The following PACRG variants were observed in gnomAD, a reference collection of about 807,000 sequenced individuals.
PACRG encodes parkin coregulated gene protein.
Under a neutral mutation model 29.7 loss-of-function variants are expected in PACRG, and 29 were observed. The ratio of observed to expected loss-of-function variants is 0.98; its 90% CI spans 0.73 to 1.33. The LOEUF is 1.33. Among genes scored for constraint, PACRG ranks in the 40% most tolerant of loss-of-function variants. The pLI, the probability that PACRG is intolerant of heterozygous loss-of-function variation, is 0.00. For missense variants in PACRG, 279 were observed against 316.2 expected (o/e 0.88, Z 0.89); for synonymous variants, 116 against 118.7 (o/e 0.98, Z 0.15).
At chr6:163,052,679 T>C (rs892786462) in intron 2 of PACRG, among the ~76,000 whole-genome samples, 8 of 152,194 alleles carry the variant, frequency 5.3e-5, no homozygotes, top group Admixed American at 3.9e-4. Context: ...TAAACCTCTT[T>C]CATTTATAAA....
At chr6:162,995,385 T>C (rs188690882) in intron 2 of PACRG, among the ~76,000 whole-genome samples, 2,837 of 151,974 alleles carry the variant, frequency 0.019, 41 homozygotes, top group Non-Finnish European at 0.026. Flanking sequence ...GTGCTAGCAA[T>C]CAGCGAGATT....
intron 2 of PACRG, among the ~76,000 whole-genome samples, chr6:162,970,596 G>T (rs1159076534): frequency 2.0e-5 from 3 of 152,144 alleles, no homozygotes; most frequent in African/African-American, 7.2e-5. Flanking sequence ...ATAGATATCA[G>T]ATTAAGAAAA....
intron 1 of PACRG, among the ~76,000 whole-genome samples, chr6:162,796,384 G>C (rs1293950962): frequency 6.6e-6 from 1 of 151,826 alleles, no homozygotes; most frequent in African/African-American, 2.4e-5. Context: ...AAATTATTTT[G>C]TAATGTTTTC....
chr6:162,920,403 A>G (rs1796985702), intron 2 of PACRG, among the ~76,000 whole-genome samples: 1 of 152,194 alleles, frequency 6.6e-6, no homozygotes, highest in African/African-American at 2.4e-5. Context: ...ATTGCTCCCC[A>G]TCGAATCACG....
intron 4 of PACRG, among the ~76,000 whole-genome samples, chr6:163,154,596 G>T (rs895110182): frequency 2.6e-5 from 4 of 152,158 alleles, no homozygotes; most frequent in Non-Finnish European, 4.4e-5. Flanking sequence ...TGTTGCTCTT[G>T]CTCATGTGCT....
At chr6:163,156,028 G>A (rs149238006) in intron 4 of PACRG, among the ~76,000 whole-genome samples, 228 of 152,336 alleles carry the variant, frequency 1.5e-3, no homozygotes, top group African/African-American at 5.0e-3. Flanking sequence ...GACAGGCCGA[G>A]GGGCCCTTCG....
intron 3 of PACRG, among the ~76,000 whole-genome samples, chr6:163,073,545 T>C (rs1746447): frequency 0.5 from 76,596 of 152,062 alleles, 22,338 homozygotes; most frequent in East Asian, 0.96. Context: ...GAACAATACC[T>C]GACAAGCACA....
intron 4 of PACRG, among the ~76,000 whole-genome samples, chr6:163,126,532 TTC>T (rs1425640531): frequency 6.6e-6 from 1 of 152,200 alleles, no homozygotes; most frequent in Non-Finnish European, 1.5e-5. Flanking sequence ...GTCACAATAA[TTC>T]TCTCTGTCTC....
At chr6:163,077,265 G>A (rs1812632710) in intron 3 of PACRG, among the ~76,000 whole-genome samples, 1 of 152,164 alleles carries the variant, frequency 6.6e-6, no homozygotes, top group Non-Finnish European at 1.5e-5. Flanking sequence ...ACATACTTTT[G>A]TGAGATGGCC....
intron 2 of PACRG, among the ~76,000 whole-genome samples, chr6:163,000,222 T>G (rs868442358): frequency 8.5e-5 from 13 of 152,324 alleles, no homozygotes; most frequent in South Asian, 2.1e-4. Context: ...GCAATCAGGC[T>G]TCATCTGTCA....
intron 4 of PACRG, among the ~76,000 whole-genome samples, chr6:163,091,732 GA>G (rs946081255): frequency 6.6e-6 from 1 of 151,460 alleles, no homozygotes; most frequent in African/African-American, 2.4e-5. Flanking sequence ...AATTCTTTCA[GA>G]AAAAAAAGCT....
At chr6:163,242,064 G>GA (rs150725892) in intron 4 of PACRG, among the ~76,000 whole-genome samples, 28,998 of 152,028 alleles carry the variant, frequency 0.19, 2,921 homozygotes, top group South Asian at 0.3. Flanking sequence ...CTCTTTAAAA[G>GA]AAAAAAAGAT....
At chr6:163,289,583 A>G (rs1007265375) in intron 4 of PACRG, among the ~76,000 whole-genome samples, 8 of 152,342 alleles carry the variant, frequency 5.3e-5, no homozygotes, top group Admixed American at 1.3e-4. Flanking sequence ...ATGTCATTCT[A>G]TTAATAGCTG....
At chr6:163,008,117 G>T (rs1217640126) in intron 2 of PACRG, among the ~76,000 whole-genome samples, 1 of 152,112 alleles carries the variant, frequency 6.6e-6, no homozygotes, top group Admixed American at 6.5e-5. Context: ...TCCTTGAGCT[G>T]CCCTCAATGT....
chr6:163,001,234 A>G (rs1178886191), intron 2 of PACRG, among the ~76,000 whole-genome samples: 2 of 152,228 alleles, frequency 1.3e-5, no homozygotes, highest in Non-Finnish European at 2.9e-5. Flanking sequence ...AAATCTGAAC[A>G]AGGAGGAAAT....
At chr6:162,733,861 C>A (rs1345945369) in intron 1 of PACRG, among the ~76,000 whole-genome samples, 1 of 152,110 alleles carries the variant, frequency 6.6e-6, no homozygotes, top group Admixed American at 6.6e-5. Flanking sequence ...CTTAACAATC[C>A]CTTCCATCCC....
At chr6:162,785,005 G>T (rs917884892) in intron 1 of PACRG, among the ~76,000 whole-genome samples, 1 of 152,098 alleles carries the variant, frequency 6.6e-6, no homozygotes, top group African/African-American at 2.4e-5. Context: ...GCTTGAGAAA[G>T]TTCTTAGCTA....
At chr6:163,110,152 G>A (rs1013728596) in intron 4 of PACRG, among the ~76,000 whole-genome samples, 1 of 152,180 alleles carries the variant, frequency 6.6e-6, no homozygotes, top group African/African-American at 2.4e-5. Flanking sequence ...GGAAAACATG[G>A]CAATGTCTCC....
At chr6:163,311,082 A>G (rs1413489758) in intron 4 of PACRG, 1 of 152,216 alleles carries the variant, frequency 6.6e-6, no homozygotes, top group African/African-American at 2.4e-5. Flanking sequence ...TTACATCATC[A>G]AAAACACCAA....
Sources: gnomAD v4.1 joint callset for allele counts (sites outside exome capture counted in the v4.1 genomes callset) on GRCh38, gnomAD v4.1.1 for gene constraint, MANE v1.5 for transcripts, NCBI Gene and HGNC (gene_info 2026-07-23, HGNC 2026-07-21) for gene names.